The following GALNT9 variants were observed in gnomAD, a reference collection of about 807,000 sequenced individuals.
GALNT9 encodes the protein polypeptide N-acetylgalactosaminyltransferase 9, also known as GalNAc transferase 9.
GALNT9 carries 47 observed loss-of-function variants against 63.1 expected under a neutral mutation model. The ratio of observed to expected loss-of-function variants is 0.75; its 90% confidence interval spans 0.59 to 0.95. The LOEUF is 0.95. Among genes scored for constraint, GALNT9 ranks in the 40% least tolerant of loss-of-function variants. The pLI is 0.00. For synonymous variants in GALNT9, 396 were observed against 365.7 expected (o/e 1.08, Z -0.94); for missense variants, 829 against 874.8 (o/e 0.95, Z 0.66).
intron 3 of GALNT9, among the ~76,000 whole-genome samples, chr12:132,261,826 G>C (rs991957335): frequency 2.0e-5 from 3 of 152,362 alleles, no homozygotes; most frequent in African/African-American, 7.2e-5. Flanking sequence ...GCCTGGGGCA[G>C]TGCAAGATCC....
chr12:132,220,491 C>T (rs1022227541), intron 6 of GALNT9, among the ~76,000 whole-genome samples: 7 of 152,114 alleles, frequency 4.6e-5, no homozygotes, highest in East Asian at 1.9e-4. Flanking sequence ...GAAAAATACC[C>T]ATGGAAGAAA....
At chr12:132,198,024 A>G (rs564120645) in intron 9 of GALNT9, 65 bp from the exon 10 acceptor site, 1 of 1,350,904 alleles carries the variant, frequency 7.4e-7, no homozygotes, top group Non-Finnish European at 1.0e-6. Flanking sequence ...GAGCACTGAC[A>G]GGCCGTGCGA....
At position 132,279,791 on chromosome 12, in the gene GALNT9, TC is replaced by T. The variant is rs1880261501; in HGVS notation, c.419+6458del. The T allele has an allele frequency of 6.6e-6, 1 of 152,260 alleles. No individual in the cohort carries two copies. The highest frequency in any genetic ancestry group is 2.4e-5 in the African/African-American group (1 of 41,418). 9.4% of individuals were successfully genotyped at this position (152,260 alleles called of 1,614,324 possible). On this transcript the variant is annotated intron_variant, in intron 2 of 10. Transcript: ENST00000328957. The surrounding 1 kb of genome is among the most constrained non-coding windows in gnomAD (Gnocchi z 4.1). ...CTGGATGCCCAGTGTCCGCCGGGTCTCCTGGATTCACCGTGGTCACTGCCTG... is the reference window on the plus strand; with the variant it reads ...CTGGATGCCCAGTGTCCGCCGGGTCTCTGGATTCACCGTGGTCACTGCCTG...
Position 132,236,819 on chromosome 12 carries a change from C to T in GALNT9, c.1077+11091G>A, listed in dbSNP as rs1277244149. 6.6e-6 allele frequency among the ~76,000 whole-genome samples: 1 copy of T among 152,140 alleles called. No individual in the cohort carries two copies. Reference sequence around the variant, plus strand: ...TCCCTGTGGTCTATCCTGGGCATGGCGGCCCCTCATGCCCGTTTTCCCAGG... The same window carrying T: ...TCCCTGTGGTCTATCCTGGGCATGGTGGCCCCTCATGCCCGTTTTCCCAGG... On this transcript the variant is annotated intron_variant, in intron 6 of 10. Coordinates refer to ENST00000328957, the MANE Select transcript of GALNT9 (RefSeq NM_001122636.2). This position sits in a 1 kb window ranked among gnomAD's most constrained non-coding sequence, Gnocchi z 5.6.
At chr12:132,228,242 G>A (rs1314570569) in intron 6 of GALNT9, among the ~76,000 whole-genome samples, 3 of 151,262 alleles carry the variant, frequency 2.0e-5, no homozygotes, top group African/African-American at 4.9e-5. Context: ...GTCCCTCCCC[G>A]GCGTCCCTCT....
chr12:132,204,650 G>A (rs961790920), intron 6 of GALNT9, among the ~76,000 whole-genome samples: 1 of 152,064 alleles, frequency 6.6e-6, no homozygotes, highest in Non-Finnish European at 1.5e-5. Context: ...TTCCTTAGAT[G>A]AACTTTCACA....
chr12:132,239,199 C>G (rs1213055567), intron 6 of GALNT9, among the ~76,000 whole-genome samples: 1 of 148,916 alleles, frequency 6.7e-6, no homozygotes, highest in Non-Finnish European at 1.5e-5. Flanking sequence ...GGGGGACAGG[C>G]AGAGAGAGAG....
chr12:132,248,164 G>A, intron 5 of GALNT9, 137 bp from the exon 6 acceptor site: 3 of 1,331,394 alleles, frequency 2.3e-6, no homozygotes, highest in Non-Finnish European at 3.0e-6. Context: ...TCAGGTCCCT[G>A]TGCTCAAGGT....
Position 132,251,779 on chromosome 12 carries a change from C to G in GALNT9, c.960-3752G>C, listed in dbSNP as rs559155174. 1.5e-3 allele frequency among the ~76,000 whole-genome samples: 226 copies of G among 152,294 alleles called. No individual in the cohort carries two copies. The Middle Eastern group carries it at 0.017, about 11-fold the overall frequency. On this transcript the variant is annotated intron_variant, in intron 5 of 10. Transcript: ENST00000328957. ...TCCGAGTGGTTCTCAGGTGGGCAGG[C>G]CTGGTGTCAGCACAGCCCTTGATCC... is the stretch of plus-strand genomic sequence containing the variant.
chr12:132,323,894 C>T (rs577514755), intron 1 of GALNT9, among the ~76,000 whole-genome samples: 148 of 152,338 alleles, frequency 9.7e-4, no homozygotes, highest in African/African-American at 3.4e-3. Flanking sequence ...CTGCCGGGGC[C>T]GGGACTGAAG....
intron 1 of GALNT9, among the ~76,000 whole-genome samples, chr12:132,287,069 C>CTG (rs1880625355): frequency 9.7e-6 from 1 of 103,286 alleles, no homozygotes; most frequent in African/African-American, 3.3e-5. Context: ...GCCCCCCCCC[C>CTG]CCCCCGTGAG....
At chr12:132,293,148 C>T (rs527697749) in intron 1 of GALNT9, among the ~76,000 whole-genome samples, 65 of 152,132 alleles carry the variant, frequency 4.3e-4, no homozygotes, top group African/African-American at 1.3e-3. Flanking sequence ...CTTGTGGGGA[C>T]GCAAGGGGAC....
chr12:132,291,875 T>G (rs1454379403), intron 1 of GALNT9, among the ~76,000 whole-genome samples: 7 of 152,080 alleles, frequency 4.6e-5, no homozygotes, highest in Non-Finnish European at 1.0e-4. Context: ...GCCGCTCCCC[T>G]GCTGGGAGCC....
At chr12:132,210,216 AG>A (rs908297491) in intron 6 of GALNT9, among the ~76,000 whole-genome samples, 14 of 152,160 alleles carry the variant, frequency 9.2e-5, no homozygotes, top group African/African-American at 3.4e-4. Context: ...GAGACAGGAG[AG>A]GGGCCCTGCT....
At chr12:132,283,151 C>CCAA (rs1880429867) in intron 2 of GALNT9, 2 of 152,466 alleles carry the variant, frequency 1.3e-5, no homozygotes, top group Non-Finnish European at 2.9e-5. Flanking sequence ...GCCAACAAGA[C>CCAA]CAAGGTCACG....
At chr12:132,198,012 G>A (rs1451966748) in intron 9 of GALNT9, 53 bp from the exon 10 acceptor site, 23 of 1,476,582 alleles carry the variant, frequency 1.6e-5, no homozygotes, top group Non-Finnish European at 2.1e-5. Context: ...GCTCTCCCCA[G>A]TGAGCACTGA....
rs147442816 is a variant in GALNT9 at position 132,203,263 on chromosome 12, C to T, written c.1263+242G>A. 1.7e-3 allele frequency among the ~76,000 whole-genome samples: 257 copies of T among 152,298 alleles called. 1 individual carries two copies. Among genetic ancestry groups the T allele is most frequent in the African/African-American group, 5.5e-3 (229 of 41,562 alleles). On this transcript the variant is annotated intron_variant, in intron 7 of 10. Transcript: ENST00000328957. ...AATTGCTCTAGGCTGAGAGGAAAAA[C>T]GCCCACCACACCGGGGTGGGTGTGA...
chr12:132,287,318 G>T lies in GALNT9; in HGVS notation c.239-888C>A, dbSNP rs562344570. On this transcript the variant is annotated intron_variant, in intron 1 of 10. Coordinates refer to ENST00000328957, the MANE Select transcript of GALNT9 (RefSeq NM_001122636.2). ...CTATCAACCCGAAACTGCTCTGATG[G>T]TCAGGCCTACTAATGTTAAAAATAT... Among the ~76,000 whole-genome samples the T allele has an allele frequency of 1.4e-3, 217 of 152,308 alleles. 1 individual carries two copies. Among genetic ancestry groups the T allele is most frequent in the Middle Eastern group, 0.01 (3 of 294 alleles).
chr12:132,282,455 ATG>A lies in GALNT9; in HGVS notation c.419+3793_419+3794del, dbSNP rs1285958643. The stretch of plus-strand genomic sequence containing the variant: ...CGTGCATGCGTGTGTGTGCGTGTGC[ATG>A]TGTGTGTGCACGCATGTGGTAATTT... On this transcript the variant is annotated intron_variant, in intron 2 of 10. Coordinates refer to ENST00000328957, the MANE Select transcript of GALNT9 (RefSeq NM_001122636.2). This position sits in a 1 kb window ranked among gnomAD's most constrained non-coding sequence, Gnocchi z 4.5. Among the ~76,000 whole-genome samples the A allele has an allele frequency of 1.3e-5, 2 of 152,124 alleles. No individual in the cohort carries two copies. Among genetic ancestry groups the A allele is most frequent in the South Asian group, 4.2e-4 (2 of 4,816 alleles).
Sources: allele counts gnomAD v4.1 joint callset (sites outside exome capture counted in the v4.1 genomes callset), GRCh38; gene constraint gnomAD v4.1.1; non-coding constraint Gnocchi (gnomAD v3.1); transcripts MANE v1.5; gene names NCBI Gene and HGNC (gene_info 2026-07-23, HGNC 2026-07-21).